SLK: variants seen among roughly 807,000 people sequenced by gnomAD.
The protein encoded by SLK is STE20 like kinase.
Under a neutral mutation model 147.7 loss-of-function variants are expected in SLK, and 67 were observed. The observed-to-expected ratio is 0.45, with a 90% CI of 0.37 to 0.56. The LOEUF (loss-of-function observed/expected upper bound fraction) is 0.56. Among genes scored for constraint, SLK ranks in the 20% least tolerant of loss-of-function variants. The probability of loss-of-function intolerance (pLI) is 0.00; values close to 1 mark genes in which losing one functional copy is unlikely to be tolerated. For missense variants in SLK, 1,136 were observed against 1,438.8 expected (o/e 0.79, Z 3.41); for synonymous variants, 441 against 475.0 (o/e 0.93, Z 0.93).
At chr10:104,010,391 G>A (rs186341765) in intron 12 of SLK, among the ~76,000 whole-genome samples, 207 of 152,200 alleles carry the variant, frequency 1.4e-3, no homozygotes, top group Middle Eastern at 0.01. Context: ...AGCCAATTAT[G>A]AAATTTTGCA....
At chr10:103,997,730 T>A (rs1253974484) in intron 4 of SLK, among the ~76,000 whole-genome samples, 1 of 151,862 alleles carries the variant, frequency 6.6e-6, no homozygotes, top group South Asian at 2.1e-4. Context: ...TCTGGAGCTC[T>A]GTCGCCTTTC....
chr10:103,974,476 GTGATGGCGGGCGCCT>G (rs1564649325), intron 1 of SLK: 1 of 145,012 alleles, frequency 6.9e-6, no homozygotes, highest in Non-Finnish European at 1.5e-5. Flanking sequence ...TTAGCCGGGC[GTGATGGCGGGCGCCT>G]GTAGTCCCAG....
At chr10:103,988,556 C>T (rs1219040226) in intron 1 of SLK, among the ~76,000 whole-genome samples, 1 of 152,146 alleles carries the variant, frequency 6.6e-6, no homozygotes, top group Non-Finnish European at 1.5e-5. Flanking sequence ...GTTTCAACCT[C>T]CAGCAGAAAG....
At chr10:104,008,053 T>C in intron 11 of SLK, 124 bp from the exon 12 acceptor site, 1 of 635,628 alleles carries the variant, frequency 1.6e-6, no homozygotes, top group Non-Finnish European at 2.6e-6. Context: ...TTTTCAGTAT[T>C]GTGAAGGTTA....
chr10:104,015,301 T>G (rs774888676), intron 13 of SLK, among the ~76,000 whole-genome samples: 1 of 152,202 alleles, frequency 6.6e-6, no homozygotes, highest in Non-Finnish European at 1.5e-5. Flanking sequence ...TTGATCCCTA[T>G]CTTACTTCTG....
chr10:104,006,962 GTAAC>G (rs1844334624), intron 11 of SLK, among the ~76,000 whole-genome samples: 1 of 151,986 alleles, frequency 6.6e-6, no homozygotes, highest in South Asian at 2.1e-4. Context: ...TTACAAATAA[GTAAC>G]TATACCTGTA....
rs142780049 is a variant in SLK, at chr10:104,003,420, A to G, written c.2242A>G (p.Asn748Asp). The change falls in exon 9 of 19, where the codon AAT becomes GAT. Residue 748 changes from asparagine (N) to aspartate (D), a missense_variant. Asn to Asp is a conservative substitution (Grantham distance 23). This residue lies in a region of SLK where 516 missense variants were observed against 531.3 expected (regional missense o/e 0.97). Transcript: ENST00000369755. Reference protein sequence around the residue: ...PESENPKENDNDSGTGSTADT... With the variant: ...PESENPKENDDDSGTGSTADT... Reference sequence around the variant, plus strand: ...ATCTGAGAATCCAAAGGAAAATGATAATGATTCAGGCACTGGTTCCACTGC... The same window carrying G: ...ATCTGAGAATCCAAAGGAAAATGATGATGATTCAGGCACTGGTTCCACTGC... 3.1e-6 allele frequency: 5 copies of G among 1,613,878 alleles called. No homozygotes were observed. In the East Asian group the frequency reaches 8.9e-5, roughly 29 times the overall value.
intron 1 of SLK, among the ~76,000 whole-genome samples, chr10:103,977,042 T>A (rs921479211): frequency 7.2e-5 from 11 of 152,192 alleles, no homozygotes; most frequent in Admixed American, 2.6e-4. Flanking sequence ...GTCTCCTGGA[T>A]GGCAAAATCA....
At chr10:103,999,015 C>T (rs1416780579) in intron 5 of SLK, 44 bp downstream of exon 5, 1 of 1,533,794 alleles carries the variant, frequency 6.5e-7, no homozygotes, top group African/African-American at 1.4e-5. Flanking sequence ...GTCATGTCAG[C>T]AGTTATAATT....
At chr10:103,997,852 AT>A (rs201163976) in intron 4 of SLK, among the ~76,000 whole-genome samples, 3,554 of 151,788 alleles carry the variant, frequency 0.023, 81 homozygotes, top group South Asian at 0.11. Flanking sequence ...TTTTGGGGGC[AT>A]TTTTTTTGTA....
chr10:104,021,817 TAC>T (rs1269607951), intron 18 of SLK, 84 bp downstream of exon 18: 1 of 737,948 alleles, frequency 1.4e-6, no homozygotes, highest in African/African-American at 1.8e-5. Flanking sequence ...CTGTGTCAGG[TAC>T]AGTGTCAGGG....
chr10:104,008,490 T>G lies in SLK; in HGVS notation c.2784+134T>G, dbSNP rs1025129741. 18 of 644,884 alleles carry G rather than the reference T, an allele frequency of 2.8e-5. 1 individual carries two copies. The South Asian group carries it at 3.8e-4, about 14-fold the overall frequency. 39.9% of individuals were successfully genotyped at this position (644,884 alleles called of 1,614,324 possible). ...ACCTATTCATTCTTTCATTCGGTCT[T>G]CTCAACAGTCATATAGAGTTGTCAT... On this transcript the variant is annotated intron_variant, in intron 12 of 18. Transcript: ENST00000369755.
At chr10:103,998,552 CTT>C (rs916402901) in intron 4 of SLK, among the ~76,000 whole-genome samples, 2 of 152,214 alleles carry the variant, frequency 1.3e-5, no homozygotes, top group African/African-American at 2.4e-5. Context: ...GTTAATGACT[CTT>C]AGTTTAATTG....
rs555488309 is a variant in SLK at position 103,978,783 on chromosome 10, A to G, written c.150+10888A>G. 7.6e-4 allele frequency among the ~76,000 whole-genome samples: 116 copies of G among 152,272 alleles called. 1 individual carries two copies. Among genetic ancestry groups the G allele is most frequent in the African/African-American group, 2.5e-3 (104 of 41,544 alleles). On this transcript the variant is annotated intron_variant, in intron 1 of 18. Coordinates refer to ENST00000369755, the MANE Select transcript of SLK (RefSeq NM_014720.4). ...ATTTATAAGATGATCAACTTTTCCA[A>G]TTTACCAGCTTATCAGCTCACATTT...
rs56381345 is a variant in SLK, at chr10:103,992,141, G to GTTTTTTTTTTTTTT, written c.316-452_316-439dup. Among the ~76,000 whole-genome samples the GTTTTTTTTTTTTTT allele has an allele frequency of 8.3e-4, 76 of 91,804 alleles. 6 individuals are homozygous for GTTTTTTTTTTTTTT. The highest frequency in any genetic ancestry group is 1.3e-3 in the Non-Finnish European group (60 of 47,896). The allele number at this position is 91,804 out of a possible 152,430, so 60.2% of individuals were successfully genotyped here. On this transcript the variant is annotated intron_variant, in intron 2 of 18. Transcript: ENST00000369755. ...TGAAGCTTTTGTGGGTATTTCTTCT[G>GTTTTTTTTTTTTTT]TTTTTTTTTTTTTTTTTTCTAAAAG...
intron 12 of SLK, among the ~76,000 whole-genome samples, chr10:104,008,681 T>C (rs1844360747): frequency 6.6e-6 from 1 of 152,214 alleles, no homozygotes; most frequent in African/African-American, 2.4e-5. Flanking sequence ...GTTTAATCCA[T>C]CTTAAGGTCT....
chr10:104,013,560 T>G (rs1844425551), intron 13 of SLK, among the ~76,000 whole-genome samples: 1 of 152,236 alleles, frequency 6.6e-6, no homozygotes, highest in Non-Finnish European at 1.5e-5. Flanking sequence ...TTTGTATAAT[T>G]ATTCTTTTCG....
chr10:104,019,078 T>C, intron 15 of SLK, 170 bp downstream of exon 15: 1 of 558,742 alleles, frequency 1.8e-6, no homozygotes, highest in Non-Finnish European at 3.0e-6. Context: ...TTGATCATGA[T>C]TGCAAACTTC....
At chr10:103,972,031 G>T (rs1022880565) in intron 1 of SLK, among the ~76,000 whole-genome samples, 2 of 152,122 alleles carry the variant, frequency 1.3e-5, no homozygotes, top group Admixed American at 1.3e-4. Context: ...AACTTTATAT[G>T]AATGGAATCA....
Sources: gnomAD v4.1 joint callset for allele counts (sites outside exome capture counted in the v4.1 genomes callset) on GRCh38, gnomAD v4.1.1 for gene constraint, gnomAD v4.1.1 regional missense constraint, MANE v1.5 for transcripts, NCBI Gene and HGNC (gene_info 2026-07-23, HGNC 2026-07-21) for gene names.